AGBL1: variants seen among roughly 807,000 people sequenced by gnomAD.
AGBL1 encodes the protein AGBL carboxypeptidase 1, also known as cytosolic carboxypeptidase 4.
In AGBL1, 130 loss-of-function variants were observed where a neutral mutation model predicts 118.9. The ratio of observed to expected loss-of-function variants is 1.09; its 90% CI spans 0.95 to 1.26. The LOEUF (loss-of-function observed/expected upper bound fraction) is 1.26, where lower values mean the gene tolerates loss of function less well. AGBL1 is among the 50% of genes most tolerant of loss of function. The pLI is 0.00. For missense variants in AGBL1, 1,584 were observed against 1,298.1 expected (o/e 1.22, Z -3.38); for synonymous variants, 555 against 478.9 (o/e 1.16, Z -2.08).
intron 3 of AGBL1, among the ~76,000 whole-genome samples, chr15:86,144,517 A>G (rs556342705): frequency 1.6e-4 from 24 of 152,308 alleles, no homozygotes; most frequent in Admixed American, 1.0e-3. Context: ...TTGCAGGGAC[A>G]TGGGTGGAGC....
rs77867945 is a variant in AGBL1 at position 86,650,201 on chromosome 15, C to G, written c.2995-24072C>G. ...TCTTCATTAGTAACAGAATCCCTTT[C>G]CCTGTTTTTAGCTTGGTACACGGCC... On this transcript the variant is annotated intron_variant, in intron 21 of 22. Coordinates refer to ENST00000614907, the MANE Select transcript of AGBL1 (RefSeq NM_001386094.1). Among the ~76,000 whole-genome samples, 884 of 152,262 alleles carry G rather than the reference C, an allele frequency of 5.8e-3. 8 individuals are homozygous for G. Among genetic ancestry groups the G allele is most frequent in the East Asian group, 0.031 (162 of 5,174 alleles).
chr15:86,424,223 AAAT>A (rs2081834599), intron 18 of AGBL1, among the ~76,000 whole-genome samples: 1 of 152,234 alleles, frequency 6.6e-6, no homozygotes, highest in African/African-American at 2.4e-5. Context: ...GAGGCCTCAG[AAAT>A]AATGCCATAC....
At chr15:86,929,652 C>T (rs7178010) in intron 23 of AGBL1, among the ~76,000 whole-genome samples, 108,926 of 152,130 alleles carry the variant, frequency 0.72, 39,874 homozygotes, top group South Asian at 0.88. Context: ...ACATCCAGTT[C>T]TCAAAATATT....
chr15:86,749,485 A>C (rs923732657), intron 22 of AGBL1, among the ~76,000 whole-genome samples: 1 of 151,934 alleles, frequency 6.6e-6, no homozygotes, highest in Admixed American at 6.6e-5. Context: ...CTCTTTTCCT[A>C]ATTGAATACC....
intron 17 of AGBL1, among the ~76,000 whole-genome samples, chr15:86,362,165 A>T (rs1308171897): frequency 6.6e-6 from 1 of 151,998 alleles, no homozygotes; most frequent in African/African-American, 2.4e-5. Flanking sequence ...AGCTGCTAAT[A>T]ACTTCAGTCA....
At chr15:86,863,723 A>G (rs1371017462) in intron 22 of AGBL1, among the ~76,000 whole-genome samples, 2 of 152,210 alleles carry the variant, frequency 1.3e-5, no homozygotes, top group African/African-American at 4.8e-5. Context: ...TGTATGGATC[A>G]TGGGCATAAC....
chr15:86,219,550 A>T (rs1396669927), intron 5 of AGBL1, among the ~76,000 whole-genome samples: 4 of 151,930 alleles, frequency 2.6e-5, no homozygotes, highest in Non-Finnish European at 5.9e-5. Context: ...CTTCAAACCC[A>T]AGCCCTCTAA....
At chr15:86,789,509 G>A (rs2078461970) in intron 22 of AGBL1, among the ~76,000 whole-genome samples, 1 of 152,146 alleles carries the variant, frequency 6.6e-6, no homozygotes, top group Non-Finnish European at 1.5e-5. Context: ...AATACAAATG[G>A]ACTTGATTCC....
chr15:86,776,400 T>G (rs747869349), intron 22 of AGBL1, among the ~76,000 whole-genome samples: 1 of 152,110 alleles, frequency 6.6e-6, no homozygotes, highest in Non-Finnish European at 1.5e-5. Flanking sequence ...ATTTTCTGAT[T>G]AGTGAGGTTG....
At chr15:86,420,112 C>T (rs1252430024) in intron 18 of AGBL1, among the ~76,000 whole-genome samples, 1 of 152,196 alleles carries the variant, frequency 6.6e-6, no homozygotes, top group African/African-American at 2.4e-5. Context: ...CACTAGATTT[C>T]TACTAAGGAA....
chr15:86,227,994 T>C (rs899130813), intron 6 of AGBL1, among the ~76,000 whole-genome samples: 25 of 152,254 alleles, frequency 1.6e-4, no homozygotes, highest in African/African-American at 6.0e-4. Flanking sequence ...GTCATGGATT[T>C]GGGGAGAAGT....
At chr15:86,424,804 GGTCATTA>G (rs1342125389) in intron 18 of AGBL1, among the ~76,000 whole-genome samples, 1 of 152,180 alleles carries the variant, frequency 6.6e-6, no homozygotes, top group Non-Finnish European at 1.5e-5. Context: ...CATCATCACT[GGTCATTA>G]GAGAAATGCA....
At chr15:86,601,109 C>G (rs1373269739) in intron 21 of AGBL1, among the ~76,000 whole-genome samples, 22 of 152,058 alleles carry the variant, frequency 1.4e-4, no homozygotes, top group Admixed American at 1.4e-3. Flanking sequence ...TCCAGCCAGA[C>G]CCTTATGGAG....
intron 22 of AGBL1, among the ~76,000 whole-genome samples, chr15:86,901,960 T>G (rs1197624634): frequency 6.6e-6 from 1 of 152,156 alleles, no homozygotes; most frequent in African/African-American, 2.4e-5. Flanking sequence ...TTTATTCTTG[T>G]GGCTGAGTCG....
rs2082005215 is a variant in AGBL1, at chr15:86,436,767, A to C, written c.2555+39221A>C. Among the ~76,000 whole-genome samples, 3 of 152,220 alleles carry C rather than the reference A, an allele frequency of 2.0e-5. No individual in the cohort carries two copies. In the South Asian group the frequency reaches 6.2e-4, roughly 32 times the overall value. ...GAGGAATAGGGACCAAAAGTTAATT[A>C]GTTTAATGGATTAGCTGAGGAAAGA... On this transcript the variant is annotated intron_variant, in intron 18 of 22. Transcript: ENST00000614907.
At chr15:86,140,732 C>T (rs1027670610) in intron 1 of AGBL1, among the ~76,000 whole-genome samples, 4 of 151,894 alleles carry the variant, frequency 2.6e-5, no homozygotes, top group Non-Finnish European at 4.4e-5. Context: ...ATTGACTAGG[C>T]TGAGAGGTAA....
intron 21 of AGBL1, among the ~76,000 whole-genome samples, chr15:86,587,412 C>T (rs2084266887): frequency 6.6e-6 from 1 of 152,102 alleles, no homozygotes; most frequent in African/African-American, 2.4e-5. Flanking sequence ...AGCACCGTTT[C>T]AGTGTTTGGA....
At chr15:86,671,832 C>T (rs910978463) in intron 21 of AGBL1, among the ~76,000 whole-genome samples, 1 of 152,108 alleles carries the variant, frequency 6.6e-6, no homozygotes, top group Non-Finnish European at 1.5e-5. Flanking sequence ...CGCTATTTAC[C>T]CATTTATCAC....
At chr15:86,724,187 G>C (rs1214145626) in intron 22 of AGBL1, among the ~76,000 whole-genome samples, 1 of 136,276 alleles carries the variant, frequency 7.3e-6, no homozygotes, top group African/African-American at 2.8e-5. Flanking sequence ...AGTGAGCTGC[G>C]ATAGCGCCAC....
Sources: gnomAD v4.1 joint callset for allele counts (sites outside exome capture counted in the v4.1 genomes callset) on GRCh38, gnomAD v4.1.1 for gene constraint, MANE v1.5 for transcripts, NCBI Gene and HGNC (gene_info 2026-07-23, HGNC 2026-07-21) for gene names.